The following CFTR variants were observed in gnomAD, a reference collection of about 807,000 sequenced individuals.
CFTR encodes cystic fibrosis transmembrane conductance regulator.
Under a neutral mutation model 171.6 loss-of-function variants are expected in CFTR, and 181 were observed. The ratio of observed to expected loss-of-function variants is 1.05; its 90% CI spans 0.93 to 1.19. The LOEUF (loss-of-function observed/expected upper bound fraction) is 1.19. Among genes scored for constraint, CFTR ranks in the 50% most tolerant of loss-of-function variants. The pLI is 0.00. For synonymous variants in CFTR, 583 were observed against 608.0 expected (o/e 0.96, Z 0.60); for missense variants, 1,968 against 1,734.7 (o/e 1.13, Z -2.39).
intron 3 of CFTR, among the ~76,000 whole-genome samples, chr7:117,529,630 G>T (rs1798822973): frequency 6.6e-6 from 1 of 152,022 alleles, no homozygotes; most frequent in Non-Finnish European, 1.5e-5. Flanking sequence ...ACACAAAGCT[G>T]CTCAATCAAT....
chr7:117,564,081 C>G (rs1239198628), intron 11 of CFTR, among the ~76,000 whole-genome samples: 1 of 152,132 alleles, frequency 6.6e-6, no homozygotes, highest in Non-Finnish European at 1.5e-5. Flanking sequence ...TTGAAAATAT[C>G]AACTCCAAAA....
At chr7:117,649,497 G>GTATA (rs755073383) in intron 23 of CFTR, among the ~76,000 whole-genome samples, 7 of 139,380 alleles carry the variant, frequency 5.0e-5, no homozygotes, top group East Asian at 4.2e-4. Flanking sequence ...GTGTGTGTGT[G>GTATA]TATATATATA....
intron 4 of CFTR, among the ~76,000 whole-genome samples, chr7:117,532,601 C>A (rs367892323): frequency 1.3e-5 from 2 of 152,044 alleles, no homozygotes; most frequent in Non-Finnish European, 2.9e-5. Flanking sequence ...ATGGGCTAAA[C>A]GGGTGTAGAG....
At chr7:117,489,200 T>C (rs971296461) in intron 1 of CFTR, among the ~76,000 whole-genome samples, 3 of 152,118 alleles carry the variant, frequency 2.0e-5, no homozygotes, top group African/African-American at 7.2e-5. Context: ...GTGTTATGAA[T>C]GCAGTTTGTC....
chr7:117,619,020 A>G (rs1792534341), intron 21 of CFTR, among the ~76,000 whole-genome samples: 1 of 152,166 alleles, frequency 6.6e-6, no homozygotes, highest in Non-Finnish European at 1.5e-5. Context: ...ATCTATCTCT[A>G]TTCATTTCAA....
intron 10 of CFTR, among the ~76,000 whole-genome samples, chr7:117,556,253 C>T (rs552000300): frequency 6.6e-6 from 1 of 151,804 alleles, no homozygotes; most frequent in Admixed American, 6.6e-5. Flanking sequence ...TTAGTAGAGA[C>T]GGGGTTTCAC....
rs1025813648 is a variant in CFTR at position 117,507,251 on chromosome 7, C to T, written c.165-1783C>T. ...CCATTAAAGAAATTCCCCGACCTTG[C>T]CTTCTCCTCAGGTAACTACCCCATT... On this transcript the variant is annotated intron_variant, in intron 2 of 26. Coordinates refer to ENST00000003084, the MANE Select transcript of CFTR (RefSeq NM_000492.4). 1.9e-4 allele frequency among the ~76,000 whole-genome samples: 29 copies of T among 152,170 alleles called. 1 individual carries two copies. Among genetic ancestry groups the T allele is most frequent in the Non-Finnish European group, 1.5e-5 (1 of 68,032 alleles).
intron 24 of CFTR, among the ~76,000 whole-genome samples, chr7:117,655,341 C>T (rs1195898653): frequency 6.6e-6 from 1 of 152,154 alleles, no homozygotes; most frequent in Non-Finnish European, 1.5e-5. Context: ...CCACAAAACA[C>T]TAGGACACAA....
At chr7:117,573,036 T>TTC (rs146811028) in intron 11 of CFTR, among the ~76,000 whole-genome samples, 64 of 144,288 alleles carry the variant, frequency 4.4e-4, no homozygotes, top group Middle Eastern at 3.7e-3. Context: ...ACTCCACCCT[T>TTC]TCTCTCTCTC....
intron 11 of CFTR, among the ~76,000 whole-genome samples, chr7:117,585,999 A>G (rs1447534600): frequency 2.0e-5 from 3 of 152,218 alleles, no homozygotes; most frequent in South Asian, 2.1e-4. Flanking sequence ...GTGAGGCAGG[A>G]GAGAAGAAAT....
chr7:117,631,403 G>C (rs1792742993), intron 22 of CFTR, among the ~76,000 whole-genome samples: 1 of 152,092 alleles, frequency 6.6e-6, no homozygotes, highest in Admixed American at 6.6e-5. Context: ...TTTATGAAGT[G>C]GCTTTTGGGA....
intron 3 of CFTR, 128 bp from the exon 4 acceptor site, chr7:117,530,771 A>G: frequency 2.9e-6 from 2 of 695,016 alleles, no homozygotes; most frequent in Non-Finnish European, 5.2e-6. Context: ...AGTTTCACAT[A>G]TGGTATGACC....
intron 20 of CFTR, among the ~76,000 whole-genome samples, chr7:117,613,059 T>C (rs1363074432): frequency 6.6e-6 from 1 of 152,106 alleles, no homozygotes; most frequent in Non-Finnish European, 1.5e-5. Context: ...TTCTCTCAGC[T>C]AGGGCAGTGG....
chr7:117,490,390 T>A (rs1798141007), intron 1 of CFTR, among the ~76,000 whole-genome samples: 1 of 150,736 alleles, frequency 6.6e-6, no homozygotes, highest in East Asian at 2.0e-4. Context: ...ATGATTATGA[T>A]GGCTAACAAG....
intron 1 of CFTR, among the ~76,000 whole-genome samples, chr7:117,493,845 C>T (rs776798911): frequency 7.9e-5 from 12 of 151,880 alleles, no homozygotes; most frequent in African/African-American, 1.2e-4. Context: ...AGTGGGAAAT[C>T]AGCTGCCACT....
chr7:117,626,100 A>T (rs1457709125), intron 21 of CFTR, among the ~76,000 whole-genome samples: 1 of 152,126 alleles, frequency 6.6e-6, no homozygotes, highest in Non-Finnish European at 1.5e-5. Context: ...AGACAATTTG[A>T]AGATATTTTC....
In CFTR at chr7:117,603,753, C is replaced by T. The variant is rs1426092466; in HGVS notation, c.2879C>T (p.Pro960Leu). The part of the protein sequence containing the change: ...HKMLHSVLQA[P>L]MSTLNTLKAG... The stretch of plus-strand genomic sequence containing the variant: ...ATGTTACATTCTGTTCTTCAAGCAC[C>T]TATGTCAACCCTCAACACGTTGAAA... The change falls in exon 17 of 27, where the codon CCT becomes CTT. Residue 960 changes from proline to leucine, a missense_variant. Transcript: ENST00000003084. 1 of 1,613,982 alleles carries T rather than the reference C, an allele frequency of 6.2e-7. No individual in the cohort carries two copies. Among genetic ancestry groups the T allele is most frequent in the South Asian group, 1.1e-5 (1 of 91,076 alleles).
intron 9 of CFTR, among the ~76,000 whole-genome samples, chr7:117,544,829 T>C (rs1273074134): frequency 5.9e-5 from 9 of 152,210 alleles, no homozygotes; most frequent in Admixed American, 5.9e-4. Flanking sequence ...CAACATAGAT[T>C]CTGCTATCAC....
intron 10 of CFTR, among the ~76,000 whole-genome samples, chr7:117,554,156 A>G (rs1017098705): frequency 1.1e-4 from 17 of 152,168 alleles, no homozygotes; most frequent in African/African-American, 3.9e-4. Context: ...TTTTTAGGCT[A>G]TTCTGTAGGG....
Sources: allele counts gnomAD v4.1 joint callset (sites outside exome capture counted in the v4.1 genomes callset), GRCh38; gene constraint gnomAD v4.1.1; transcripts MANE v1.5; gene names NCBI Gene and HGNC (gene_info 2026-07-23, HGNC 2026-07-21).